Variants in COL15A1 observed in about 807,000 individuals in gnomAD.
COL15A1 encodes collagen alpha-1(XV) chain.
COL15A1 carries 111 observed loss-of-function variants against 165.9 expected under a neutral mutation model. The observed-to-expected ratio is 0.67, with a 90% CI of 0.57 to 0.78. COL15A1 has a LOEUF of 0.78. Ranked by LOEUF, COL15A1 falls within the 30% of genes least tolerant of loss-of-function variation. The probability of loss-of-function intolerance (pLI) is 0.00; values close to 1 mark genes in which losing one functional copy is unlikely to be tolerated. For synonymous variants in COL15A1, 659 were observed against 674.8 expected (o/e 0.98, Z 0.36); for missense variants, 1,745 against 1,789.7 (o/e 0.98, Z 0.45).
intron 9 of COL15A1, among the ~76,000 whole-genome samples, chr9:99,014,540 G>A (rs1284126554): frequency 6.6e-6 from 1 of 152,178 alleles, no homozygotes; most frequent in African/African-American, 2.4e-5. Flanking sequence ...AGCTCAAGCT[G>A]GTATCAAGCA....
At chr9:98,957,122 A>G (rs977077240) in intron 2 of COL15A1, among the ~76,000 whole-genome samples, 1 of 152,176 alleles carries the variant, frequency 6.6e-6, no homozygotes, top group Non-Finnish European at 1.5e-5. Flanking sequence ...AATGAGGGAG[A>G]TTGTCTCCGA....
chr9:99,066,750 GA>G, intron 39 of COL15A1, 131 bp from the exon 40 acceptor site: 1 of 717,154 alleles, frequency 1.4e-6, no homozygotes, highest in Non-Finnish European at 2.3e-6. Flanking sequence ...GTCAGGGAGG[GA>G]TTGAATAAAA....
intron 24 of COL15A1, 67 bp from the exon 25 acceptor site, chr9:99,044,501 A>G: frequency 6.8e-7 from 1 of 1,474,044 alleles, no homozygotes; most frequent in Non-Finnish European, 9.5e-7. Flanking sequence ...GAGTCTCTGT[A>G]CAAAACTCTC....
At position 98,985,648 on chromosome 9, in the gene COL15A1, G is replaced by A; in HGVS notation, c.184G>A (p.Gly62Ser). The A allele has an allele frequency of 6.2e-7, 1 of 1,614,256 alleles. No individual in the cohort carries two copies. The highest frequency in any genetic ancestry group is 1.3e-5 in the African/African-American group (1 of 75,072). Residue 62 changes from glycine (G) to serine (S), a missense_variant, in exon 3 of 42, where the codon GGT becomes AGT. Transcript: ENST00000375001. ...PSSVSFVTGY[G>S]GFPAYSFGPG... ...GTCCGTATCCTTTGTCACAGGCTAT[G>A]GTGGCTTCCCGGCCTACAGTTTCGG...
At chr9:98,979,897 C>T (rs1350181840) in intron 2 of COL15A1, among the ~76,000 whole-genome samples, 2 of 152,052 alleles carry the variant, frequency 1.3e-5, no homozygotes, top group Non-Finnish European at 2.9e-5. Context: ...GGGGCTCACA[C>T]CTGTAATCCC....
At chr9:99,062,479 G>A (rs780101014) in intron 38 of COL15A1, among the ~76,000 whole-genome samples, 175 bp downstream of exon 38, 13 of 152,292 alleles carry the variant, frequency 8.5e-5, no homozygotes, top group South Asian at 4.1e-4. Flanking sequence ...ACAGTAGAGC[G>A]GAGGAATAAC....
chr9:98,945,185 GTATTTT>G (rs1158115837), intron 2 of COL15A1, among the ~76,000 whole-genome samples: 72 of 152,318 alleles, frequency 4.7e-4, no homozygotes, highest in African/African-American at 1.6e-3. Context: ...AGCAATGCAA[GTATTTT>G]TATTTTTATT....
chr9:99,017,806 GTTTC>G (rs894846244), intron 11 of COL15A1, among the ~76,000 whole-genome samples: 31 of 152,162 alleles, frequency 2.0e-4, no homozygotes, highest in African/African-American at 6.8e-4. Context: ...CGGTTCTCCT[GTTTC>G]TTTCTCTTTT....
intron 5 of COL15A1, among the ~76,000 whole-genome samples, chr9:98,989,819 G>A (rs1027140459): frequency 6.6e-6 from 1 of 152,188 alleles, no homozygotes; most frequent in African/African-American, 2.4e-5. Context: ...CATGGGAAAG[G>A]CAATCCTAAC....
chr9:99,023,258 A>G (rs965820062), intron 13 of COL15A1, 99 bp from the exon 14 acceptor site: 115 of 1,423,620 alleles, frequency 8.1e-5, no homozygotes, highest in Non-Finnish European at 1.1e-4. Context: ...GCTATAGGAT[A>G]TAGGAAACAT....
In COL15A1 at chr9:98,982,227, T is replaced by C. The variant is rs181494805; in HGVS notation, c.101-3338T>C. Among the ~76,000 whole-genome samples, 119 of 152,314 alleles carry C rather than the reference T, an allele frequency of 7.8e-4. 1 individual carries two copies. The highest frequency in any genetic ancestry group is 2.7e-3 in the African/African-American group (111 of 41,566). Reference sequence around the variant, plus strand: ...TCAAACTCTTGGGTTCAAGTGATTCTATCACCTCAGCCTCCCGAATAGCTG... The same window carrying C: ...TCAAACTCTTGGGTTCAAGTGATTCCATCACCTCAGCCTCCCGAATAGCTG... On this transcript the variant is annotated intron_variant, in intron 2 of 41. Transcript: ENST00000375001.
chr9:98,981,599 C>T (rs970190383), intron 2 of COL15A1, among the ~76,000 whole-genome samples: 1 of 152,178 alleles, frequency 6.6e-6, no homozygotes, highest in Non-Finnish European at 1.5e-5. Flanking sequence ...AGGTGTAGAA[C>T]ACACACCATG....
intron 9 of COL15A1, among the ~76,000 whole-genome samples, chr9:99,012,996 G>A (rs563257159): frequency 2.0e-5 from 3 of 151,982 alleles, no homozygotes; most frequent in African/African-American, 4.8e-5. Flanking sequence ...CACCGTGCCC[G>A]GCCTTTTTTA....
At chr9:98,964,080 G>A (rs1006228218) in intron 2 of COL15A1, among the ~76,000 whole-genome samples, 9 of 152,246 alleles carry the variant, frequency 5.9e-5, no homozygotes, top group African/African-American at 2.2e-4. Flanking sequence ...AAGATCACCT[G>A]GCTAGTACGT....
At chr9:98,981,802 A>G (rs1838239273) in intron 2 of COL15A1, among the ~76,000 whole-genome samples, 1 of 152,062 alleles carries the variant, frequency 6.6e-6, no homozygotes, top group Admixed American at 6.6e-5. Context: ...TGTTCCTCAT[A>G]ATATTATAAT....
Position 99,060,665 on chromosome 9 carries a change from C to T in COL15A1, c.3402+712C>T, listed in dbSNP as rs552124194. ...CTTTGAGAGGCTGAAGCAGGAGAAT[C>T]ACTTGAGTCTAGGAGTTCAAGACTA... is the stretch of plus-strand genomic sequence containing the variant. On this transcript the variant is annotated intron_variant, in intron 36 of 41. Transcript: ENST00000375001. Among the ~76,000 whole-genome samples the T allele has an allele frequency of 6.6e-4, 100 of 152,190 alleles. 1 individual carries two copies. Among genetic ancestry groups the T allele is most frequent in the Non-Finnish European group, 1.1e-3 (78 of 67,988 alleles).
chr9:98,968,701 G>A (rs953676509), intron 2 of COL15A1, among the ~76,000 whole-genome samples: 6 of 151,998 alleles, frequency 3.9e-5, no homozygotes, highest in Non-Finnish European at 7.4e-5. Context: ...CTTTTCTGGC[G>A]GTCACCACTG....
intron 15 of COL15A1, 102 bp downstream of exon 15, chr9:99,025,101 G>A (rs755219755): frequency 1.3e-4 from 117 of 899,084 alleles, no homozygotes; most frequent in South Asian, 2.1e-4. Flanking sequence ...CAAGGTTCGC[G>A]ATGGGGAGAG....
intron 9 of COL15A1, among the ~76,000 whole-genome samples, chr9:99,007,720 T>C (rs932323679): frequency 2.6e-5 from 4 of 152,262 alleles, no homozygotes; most frequent in African/African-American, 9.6e-5. Context: ...AGGTTGCTGT[T>C]ATTTTCCTCT....
Sources: allele counts gnomAD v4.1 joint callset (sites outside exome capture counted in the v4.1 genomes callset), GRCh38; gene constraint gnomAD v4.1.1; transcripts MANE v1.5; gene names NCBI Gene and HGNC (gene_info 2026-07-23, HGNC 2026-07-21).